Variants in ZNF708 observed in about 807,000 individuals in gnomAD.
ZNF708 encodes zinc finger protein 708.
In ZNF708, 44 loss-of-function variants were observed where a neutral mutation model predicts 47.0. The observed-to-expected ratio is 0.94, with a 90% confidence interval of 0.74 to 1.20. The LOEUF (loss-of-function observed/expected upper bound fraction) is 1.20, where lower values mean the gene tolerates loss of function less well. Ranked by LOEUF, ZNF708 falls within the 50% of genes most tolerant of loss-of-function variation. The pLI is 0.00. For synonymous variants in ZNF708, 184 were observed against 218.5 expected, an observed-to-expected ratio of 0.84 and a Z score of 1.39; for missense variants, 557 against 656.0, an observed-to-expected ratio of 0.85 and a Z score of 1.65.
At chr19:21,316,133 C>CTTTTTTT (rs544312163) in intron 1 of ZNF708, among the ~76,000 whole-genome samples, 10 of 105,506 alleles carry the variant, frequency 9.5e-5, no homozygotes, top group South Asian at 3.3e-4. Flanking sequence ...TTTCTTTTTT[C>CTTTTTTT]TTTTTTTTTT....
At chr19:21,296,243 G>A (rs914077513) in intron 3 of ZNF708, among the ~76,000 whole-genome samples, 1 of 152,076 alleles carries the variant, frequency 6.6e-6, no homozygotes, top group Non-Finnish European at 1.5e-5. Flanking sequence ...GCTCGTGCCT[G>A]TAATCCCAGC....
In ZNF708 at chr19:21,292,245, T is replaced by C. The variant is rs187221407; in HGVS notation, c.*1029A>G. 18 of 152,360 alleles carry C rather than the reference T, an allele frequency of 1.2e-4. No homozygotes were observed. Among genetic ancestry groups the C allele is most frequent in the Admixed American group, 2.0e-4 (3 of 15,300 alleles). 9.4% of individuals were successfully genotyped at this position (152,360 alleles called of 1,614,324 possible). A position where few individuals can be genotyped will look rare whatever the true frequency, so the allele number is the denominator to read the frequency against. ...CAGGGTTTTACCATGTTGACCAGGA[T>C]GGTCTCAATCTGTTGACCTCATGAT... On this transcript the variant is annotated 3_prime_UTR_variant, in exon 4 of 4. Coordinates refer to ENST00000356929, the MANE Select transcript of ZNF708 (RefSeq NM_021269.3).
Position 21,293,735 on chromosome 19 carries a change from TATG to T in ZNF708, c.1228_1230del (p.His410del), listed in dbSNP as rs1204645956. The T allele has an allele frequency of 6.2e-7, 1 of 1,613,430 alleles. No individual in the cohort carries two copies. The highest frequency in any genetic ancestry group is 1.3e-5 in the African/African-American group (1 of 74,886). ...GGTTTCTTTCCAGTATGAATTACCT[TATG>T]ATAAGTAAGAGTTGAGGACTTGGTA... is the stretch of plus-strand genomic sequence containing the variant. On this transcript the variant is annotated inframe_deletion, in exon 4 of 4. Coordinates refer to ENST00000356929, the MANE Select transcript of ZNF708 (RefSeq NM_021269.3).
intron 1 of ZNF708, 43 bp from the exon 2 acceptor site, chr19:21,310,670 G>A: frequency 4.3e-6 from 6 of 1,387,106 alleles, no homozygotes; most frequent in Non-Finnish European, 5.6e-6. Flanking sequence ...AAGTGGTTAT[G>A]GACAGAATTT....
At chr19:21,311,813 G>A (rs916705948) in intron 1 of ZNF708, among the ~76,000 whole-genome samples, 1 of 151,944 alleles carries the variant, frequency 6.6e-6, no homozygotes, top group African/African-American at 2.4e-5. Flanking sequence ...TCCCTTACAT[G>A]GACACCAACA....
At chr19:21,328,115 G>A (rs1163683125) in intron 1 of ZNF708, 4 of 559,582 alleles carry the variant, frequency 7.1e-6, no homozygotes, top group African/African-American at 2.1e-5. Context: ...ACATCACTCC[G>A]TAAAGTTTCC....
chr19:21,324,773 G>A (rs191619046), intron 1 of ZNF708, among the ~76,000 whole-genome samples: 30 of 152,224 alleles, frequency 2.0e-4, no homozygotes, highest in Admixed American at 9.8e-4. Context: ...GAGGTACCAA[G>A]TTTCAAATAA....
intron 2 of ZNF708, among the ~76,000 whole-genome samples, chr19:21,309,946 A>C (rs1972862349): frequency 6.6e-6 from 1 of 152,242 alleles, no homozygotes; most frequent in African/African-American, 2.4e-5. Context: ...AATTTCTGGA[A>C]TTACCACTAA....
intron 1 of ZNF708, among the ~76,000 whole-genome samples, chr19:21,324,621 A>G (rs918075712): frequency 2.6e-5 from 4 of 152,172 alleles, no homozygotes; most frequent in African/African-American, 9.7e-5. Context: ...GACATAAGAG[A>G]AGAAAATTTT....
At chr19:21,312,981 C>T (rs976016075) in intron 1 of ZNF708, among the ~76,000 whole-genome samples, 1 of 144,838 alleles carries the variant, frequency 6.9e-6, no homozygotes, top group Non-Finnish European at 1.5e-5. Flanking sequence ...ATTAAGCAGG[C>T]GCTATGTGCT....
chr19:21,310,452 A>T (rs1387856311), intron 2 of ZNF708, 49 bp downstream of exon 2: 18 of 971,584 alleles, frequency 1.9e-5, no homozygotes, highest in African/African-American at 9.0e-5. Context: ...CTCAAAAAAA[A>T]AAATAATAAT....
At chr19:21,305,751 G>A (rs891083335) in intron 3 of ZNF708, among the ~76,000 whole-genome samples, 17 of 152,062 alleles carry the variant, frequency 1.1e-4, no homozygotes, top group Non-Finnish European at 1.6e-4. Context: ...GTGAGCCACC[G>A]GGCCTGGCCT....
rs62620702 is a variant in ZNF708 at position 21,293,305 on chromosome 19, T to C, written c.1661A>G (p.His554Arg). 52,318 of 1,610,174 alleles carry C rather than the reference T, an allele frequency of 0.032. 1,051 individuals are homozygous for C. The highest frequency in any genetic ancestry group is 0.039 in the Non-Finnish European group (46,202 of 1,178,590). ...ACATTTGTAGGGTTTCTCTTTGGTA[T>C]GAATTCTCTTATGTTTAGTAAGGTT... ...SPNLTKHKRI[H>R]TKEKPYKCK The change falls in exon 4 of 4, where the codon CAT becomes CGT. Residue 554 changes from histidine to arginine, a missense_variant. Coordinates refer to ENST00000356929, the MANE Select transcript of ZNF708 (RefSeq NM_021269.3).
rs187429272 is a variant in ZNF708, at chr19:21,320,743, A to T, written c.3+8467T>A. Among the ~76,000 whole-genome samples, 18 of 146,970 alleles carry T rather than the reference A, an allele frequency of 1.2e-4. No individual in the cohort carries two copies. The East Asian group carries it at 3.4e-3, about 28-fold the overall frequency. On this transcript the variant is annotated intron_variant, in intron 1 of 3. Transcript: ENST00000356929. ...AATAAAAACAAAATATGGCACATAA[A>T]CATCATGAAATACTCTCTGGCCATT...
Position 21,299,766 on chromosome 19 carries a change from C to T in ZNF708, c.227-5027G>A, listed in dbSNP as rs1381584517. Reference sequence around the variant, plus strand: ...CCAGCACAGGAGACACAGTGAGACTCCATCTCAAAAAAAAAAAAAAAAATT... The same window carrying T: ...CCAGCACAGGAGACACAGTGAGACTTCATCTCAAAAAAAAAAAAAAAAATT... On this transcript the variant is annotated intron_variant, in intron 3 of 3. Coordinates refer to ENST00000356929, the MANE Select transcript of ZNF708 (RefSeq NM_021269.3). 3.5e-5 allele frequency among the ~76,000 whole-genome samples: 5 copies of T among 143,720 alleles called. No individual in the cohort carries two copies. In the East Asian group the frequency reaches 9.9e-4, roughly 28 times the overall value. The allele number at this position is 143,720 out of a possible 152,430, so 94.3% of individuals were successfully genotyped here.
At chr19:21,324,068 T>C (rs1158722281) in intron 1 of ZNF708, among the ~76,000 whole-genome samples, 1 of 130,492 alleles carries the variant, frequency 7.7e-6, no homozygotes, top group Admixed American at 8.2e-5. Context: ...TGAAACGTTG[T>C]CTCTACTAAA....
rs544200539 is a variant in ZNF708 at position 21,298,967 on chromosome 19, G to A, written c.227-4228C>T. On this transcript the variant is annotated intron_variant, in intron 3 of 3. Transcript: ENST00000356929. ...AACGAGCCAGTCACAAAAAGACAGAGATTGTATGATATGTCTAACAGTTAC... is the reference window on the plus strand; with the variant it reads ...AACGAGCCAGTCACAAAAAGACAGAAATTGTATGATATGTCTAACAGTTAC... Among the ~76,000 whole-genome samples, 15 of 152,276 alleles carry A rather than the reference G, an allele frequency of 9.9e-5. No individual in the cohort carries two copies. In the South Asian group the frequency reaches 3.1e-3, roughly 32 times the overall value.
At chr19:21,320,791 C>G (rs943197228) in intron 1 of ZNF708, among the ~76,000 whole-genome samples, 7 of 131,784 alleles carry the variant, frequency 5.3e-5, no homozygotes, top group African/African-American at 1.2e-4. Flanking sequence ...AAAAAAAGAA[C>G]AGCATTATAT....
At chr19:21,324,567 C>G (rs1335340114) in intron 1 of ZNF708, among the ~76,000 whole-genome samples, 2 of 150,778 alleles carry the variant, frequency 1.3e-5, no homozygotes, top group Non-Finnish European at 3.0e-5. Context: ...AATTCCATTT[C>G]AAAAAATAAA....
Sources: gnomAD v4.1 joint callset for allele counts (sites outside exome capture counted in the v4.1 genomes callset) on GRCh38, gnomAD v4.1.1 for gene constraint, MANE v1.5 for transcripts, NCBI Gene and HGNC (gene_info 2026-07-23, HGNC 2026-07-21) for gene names.